LRSAM1: variants seen among roughly 807,000 people sequenced by gnomAD.
LRSAM1 encodes the protein leucine rich repeat and sterile alpha motif containing 1, also known as E3 ubiquitin-protein ligase LRSAM1.
Under a neutral mutation model 118.1 loss-of-function variants are expected in LRSAM1, and 96 were observed. That is an observed-to-expected ratio of 0.81 (90% confidence interval 0.69 to 0.96). The LOEUF is 0.96. LRSAM1 is among the 40% of genes least tolerant of loss of function. LRSAM1 has a pLI of 0.00. For missense variants in LRSAM1, 804 were observed against 915.5 expected (o/e 0.88, Z 1.57); for synonymous variants, 322 against 364.2 (o/e 0.88, Z 1.32).
At chr9:127,451,496 T>G (rs1834319950), upstream of LRSAM1, 5 of 706,690 alleles carry the variant, frequency 7.1e-6, no homozygotes, top group Non-Finnish European at 1.2e-5. Flanking sequence ...AGAGACGCCC[T>G]TGTCGCCATG....
At chr9:127,478,149 T>C (rs1835407035) in intron 11 of LRSAM1, among the ~76,000 whole-genome samples, 1 of 152,132 alleles carries the variant, frequency 6.6e-6, no homozygotes, top group African/African-American at 2.4e-5. Flanking sequence ...ACACCAATAA[T>C]TACATTACAT....
At chr9:127,488,932 C>T (rs1190893834) in intron 18 of LRSAM1, among the ~76,000 whole-genome samples, 1 of 152,132 alleles carries the variant, frequency 6.6e-6, no homozygotes, top group African/African-American at 2.4e-5. Context: ...CGCTGCCTCC[C>T]TTCTTCCCTC....
rs1554756395 is a variant in LRSAM1, at chr9:127,473,932, G to T, written c.750+1G>T. ...CTCAAGGGAGGAGTTAGAGTGGCAG[G>T]TAAGACAAGGCAGCCTGCTGCACGC... On this transcript the variant is annotated splice_donor_variant, in intron 11 of 25. Transcript: ENST00000300417. LOFTEE classifies it high-confidence loss of function. 6.2e-7 allele frequency: 1 copy of T among 1,614,248 alleles called. No homozygotes were observed. Among genetic ancestry groups the T allele is most frequent in the South Asian group, 1.1e-5 (1 of 91,086 alleles).
chr9:127,457,455 G>C lies in LRSAM1; in HGVS notation c.252+62G>C. 17 of 1,526,580 alleles carry C rather than the reference G, an allele frequency of 1.1e-5. 1 individual carries two copies. In the Middle Eastern group the frequency reaches 2.5e-3, roughly 227 times the overall value. The allele number at this position is 1,526,580 out of a possible 1,614,324, so 94.6% of individuals were successfully genotyped here. A position where few individuals can be genotyped will look rare whatever the true frequency, so the allele number is the denominator to read the frequency against. ...ATGGGGTTCCACGCGGCAGCTGAGCGCCTGCTCCTTTTGGGCTGCCTCTTG... is the reference window on the plus strand; with the variant it reads ...ATGGGGTTCCACGCGGCAGCTGAGCCCCTGCTCCTTTTGGGCTGCCTCTTG... On this transcript the variant is annotated intron_variant, in intron 6 of 25. Coordinates refer to ENST00000300417, the MANE Select transcript of LRSAM1 (RefSeq NM_001005373.4).
chr9:127,459,655 T>A (rs1834662001), intron 7 of LRSAM1, among the ~76,000 whole-genome samples: 1 of 151,906 alleles, frequency 6.6e-6, no homozygotes, highest in Admixed American at 6.6e-5. Flanking sequence ...GCCTCCCGGG[T>A]TCAAGAGATT....
intron 24 of LRSAM1, among the ~76,000 whole-genome samples, chr9:127,498,642 G>A (rs1216322643): frequency 6.6e-6 from 1 of 152,232 alleles, no homozygotes. Context: ...CTTCCTGCTT[G>A]TGCCCATTGG....
At chr9:127,468,810 CAAAAAAAAAAAAA>C (rs1185949155) in intron 10 of LRSAM1, among the ~76,000 whole-genome samples, 8 of 16,446 alleles carry the variant, frequency 4.9e-4, no homozygotes, top group South Asian at 2.3e-3. Flanking sequence ...CCTGTCTCTA[CAAAAAAAAAAAAA>C]AAAAAAAAAA....
intron 14 of LRSAM1, 32 bp downstream of exon 14, chr9:127,480,010 A>G (rs1390655438): frequency 6.2e-7 from 1 of 1,614,004 alleles, no homozygotes; most frequent in Admixed American, 1.7e-5. Context: ...CCAGCCCCAG[A>G]GTCCTTCCCC....
At chr9:127,466,475 C>A (rs1422801456) in intron 9 of LRSAM1, among the ~76,000 whole-genome samples, 2 of 34,998 alleles carry the variant, frequency 5.7e-5, no homozygotes, top group Admixed American at 7.1e-4. Context: ...AAGGAAGAAT[C>A]ATATATATAT....
chr9:127,464,363 G>A (rs1487230040), intron 9 of LRSAM1, among the ~76,000 whole-genome samples: 2 of 109,396 alleles, frequency 1.8e-5, no homozygotes, highest in African/African-American at 7.7e-5. Context: ...AGCACCTGGT[G>A]ACCGTGCTGT....
intron 9 of LRSAM1, among the ~76,000 whole-genome samples, chr9:127,463,686 G>A (rs1056913862): frequency 2.6e-5 from 4 of 152,118 alleles, no homozygotes; most frequent in African/African-American, 9.7e-5. Flanking sequence ...GGGATGGGGG[G>A]ATTAGGATTT....
chr9:127,473,872 T>C lies in LRSAM1; in HGVS notation c.691T>C (p.Ser231Pro), dbSNP rs1835260983. The change falls in exon 11 of 26, where the codon TCT (serine) becomes CCT (proline). Residue 231 changes from serine to proline, a missense_variant. Coordinates refer to ENST00000300417, the MANE Select transcript of LRSAM1 (RefSeq NM_001005373.4). Reference protein sequence around the residue: ...PILEQDGIENSRDSPDGPTDR... With the variant: ...PILEQDGIENPRDSPDGPTDR... The stretch of plus-strand genomic sequence containing the variant: ...TCTGGAGCAAGATGGAATCGAGAAC[T>C]CTCGGGACAGCCCTGATGGGCCCAC... The C allele has an allele frequency of 6.2e-7, 1 of 1,614,092 alleles. No homozygotes were observed. The highest frequency in any genetic ancestry group is 1.3e-5 in the African/African-American group (1 of 74,932).
intron 15 of LRSAM1, 28 bp downstream of exon 15, chr9:127,481,255 ATT>A (rs371152397): frequency 7.5e-3 from 10,696 of 1,430,682 alleles, no homozygotes; most frequent in Admixed American, 8.6e-3. Flanking sequence ...GGAGGGCAGC[ATT>A]TTTTTTTTTT....
Position 127,503,247 on chromosome 9 carries a change from A to C in LRSAM1, c.*348A>C. On this transcript the variant is annotated 3_prime_UTR_variant, in exon 26 of 26. Coordinates refer to ENST00000300417, the MANE Select transcript of LRSAM1 (RefSeq NM_001005373.4). ...CGCCCCTGCAGGAGCTTGGGTCCTC[A>C]TCTGGGGGCCATGCACAGGCCCGTC... 2.8e-6 allele frequency: 1 copy of C among 357,026 alleles called. No homozygotes were observed. Among genetic ancestry groups the C allele is most frequent in the Non-Finnish European group, 5.5e-6 (1 of 183,230 alleles). The allele number at this position is 357,026 out of a possible 1,614,324, so 22.1% of individuals were successfully genotyped here.
chr9:127,473,711 G>A, intron 10 of LRSAM1, 90 bp from the exon 11 acceptor site: 7 of 1,586,686 alleles, frequency 4.4e-6, no homozygotes, highest in Admixed American at 1.7e-5. Flanking sequence ...AGTCAGGGTG[G>A]GGCCGGCTGC....
intron 17 of LRSAM1, among the ~76,000 whole-genome samples, chr9:127,487,232 G>T (rs1053151311): frequency 6.6e-6 from 1 of 151,446 alleles, no homozygotes; most frequent in African/African-American, 2.4e-5. Flanking sequence ...ACAAACATAC[G>T]TGAGGCTGCA....
chr9:127,454,370 C>T lies in LRSAM1; in HGVS notation c.-32-126C>T, dbSNP rs537550075. ...CGTGGAACTCACTAGGGAGACACAG[C>T]CCCTGCCTCCATGGAACTCATGGTC... On this transcript the variant is annotated intron_variant, in intron 2 of 25. Coordinates refer to ENST00000300417, the MANE Select transcript of LRSAM1 (RefSeq NM_001005373.4). The T allele has an allele frequency of 5.5e-4, 417 of 761,630 alleles. 1 individual carries two copies. The highest frequency in any genetic ancestry group is 9.1e-4 in the Admixed American group (45 of 49,650). 47.2% of individuals were successfully genotyped at this position (761,630 alleles called of 1,614,324 possible). A position where few individuals can be genotyped will look rare whatever the true frequency, so the allele number is the denominator to read the frequency against.
chr9:127,475,753 T>A (rs896200525), intron 11 of LRSAM1, among the ~76,000 whole-genome samples: 6 of 152,094 alleles, frequency 3.9e-5, no homozygotes, highest in Non-Finnish European at 5.9e-5. Flanking sequence ...TTTTTTATTT[T>A]TTTTTGAGAT....
At chr9:127,476,550 A>G (rs114779914) in intron 11 of LRSAM1, among the ~76,000 whole-genome samples, 1,591 of 152,288 alleles carry the variant, frequency 0.01, 39 homozygotes, top group African/African-American at 0.036. Flanking sequence ...CCCTATCTCA[A>G]AAAAGAAAGA....
Sources: allele counts gnomAD v4.1 joint callset (sites outside exome capture counted in the v4.1 genomes callset), GRCh38; gene constraint gnomAD v4.1.1; transcripts MANE v1.5; gene names NCBI Gene and HGNC (gene_info 2026-07-23, HGNC 2026-07-21).